The following DNAH1 variants were observed in gnomAD, a reference collection of about 807,000 sequenced individuals.
The protein encoded by DNAH1 is axonemal beta dynein heavy chain 1.
In DNAH1, 327 loss-of-function variants were observed where a neutral mutation model predicts 484.3. The observed-to-expected ratio is 0.68, with a 90% CI of 0.62 to 0.74. The LOEUF (loss-of-function observed/expected upper bound fraction) is 0.74, where lower values mean the gene tolerates loss of function less well. DNAH1 is among the 30% of genes least tolerant of loss of function. The probability of loss-of-function intolerance (pLI) is 0.00; values close to 1 mark genes in which losing one functional copy is unlikely to be tolerated. For missense variants in DNAH1, 5,052 were observed against 5,546.8 expected (o/e 0.91, Z 2.83); for synonymous variants, 2,192 against 2,191.9 (o/e 1.00, Z 0.00).
Position 52,359,772 on chromosome 3 carries a change from G to A in DNAH1, c.4408-144G>A, listed in dbSNP as rs777561952. ...TTCTACTTCCTTCCTTCCCCTGCCC[G>A]GTCCCTGCTCCCCTCCCAACTCAGA... On this transcript the variant is annotated intron_variant, in intron 26 of 77. Transcript: ENST00000420323. 2.8e-4 allele frequency: 303 copies of A among 1,092,334 alleles called. 2 individuals carry two copies. The highest frequency in any genetic ancestry group is 5.9e-4 in the South Asian group (40 of 67,332). 67.7% of individuals were successfully genotyped at this position (1,092,334 alleles called of 1,614,324 possible). A position where few individuals can be genotyped will look rare whatever the true frequency, so the allele number is the denominator to read the frequency against.
Position 52,332,211 on chromosome 3 carries a change from C to G in DNAH1, c.1103C>G (p.Pro368Arg), listed in dbSNP as rs758080415. The G allele has an allele frequency of 1.4e-5, 23 of 1,611,314 alleles. No individual in the cohort carries two copies. In the East Asian group the frequency reaches 4.9e-4, roughly 34 times the overall value. Reference protein sequence around the residue: ...RIQLLFCAEDPCMFAQRVVQA... With the variant: ...RIQLLFCAEDRCMFAQRVVQA... ...CAGCTTCTCTTCTGCGCTGAGGACC[C>G]TTGCATGTTCGCACAACGTGTGGTC... is the stretch of plus-strand genomic sequence containing the variant. The change falls in exon 8 of 78, where the codon CCT (proline) becomes CGT (arginine). Residue 368 changes from proline to arginine, a missense_variant. Pro to Arg is a moderately radical substitution (Grantham distance 103). This residue lies in a region of DNAH1 where 1,263 missense variants were observed against 1,218.8 expected (regional missense o/e 1.04). Coordinates refer to ENST00000420323, the MANE Select transcript of DNAH1 (RefSeq NM_015512.5).
intron 8 of DNAH1, among the ~76,000 whole-genome samples, chr3:52,340,574 A>G (rs555479231): frequency 2.6e-5 from 4 of 152,220 alleles, no homozygotes; most frequent in African/African-American, 9.6e-5. Context: ...AGCTGGGACT[A>G]CAGGTGGTTA....
At position 52,372,948 on chromosome 3, in the gene DNAH1, G is replaced by C; in HGVS notation, c.6880G>C (p.Asp2294His). The change falls in exon 44 of 78, where the codon GAT (aspartate) becomes CAT (histidine). Residue 2294 changes from aspartate to histidine, a missense_variant. Asp to His is a moderately conservative substitution (Grantham distance 81). Around this residue, in one of 4 missense-constraint regions of DNAH1, gnomAD observed 2,929 missense variants for 3,409.4 expected, o/e 0.86. Coordinates refer to ENST00000420323, the MANE Select transcript of DNAH1 (RefSeq NM_015512.5). ...GGGGCGCAACTTTATCTTCTTCATC[G>C]ATGACCTGAACATGCCGGCCCTGGA... ...PLGRNFIFFIDDLNMPALETY... is the reference protein window; with the variant it reads ...PLGRNFIFFIHDLNMPALETY... The C allele has an allele frequency of 1.2e-6, 2 of 1,613,730 alleles. No homozygotes were observed. The highest frequency in any genetic ancestry group is 1.1e-5 in the South Asian group (1 of 91,076).
intron 50 of DNAH1, 151 bp from the exon 51 acceptor site, chr3:52,383,235 T>A: frequency 1.5e-6 from 1 of 684,294 alleles, no homozygotes; most frequent in Non-Finnish European, 2.5e-6. Flanking sequence ...TACAGGCTAG[T>A]CTGTTATGAG....
chr3:52,360,521 T>G (rs1702811202), intron 28 of DNAH1, 97 bp downstream of exon 28: 2 of 1,020,762 alleles, frequency 2.0e-6, no homozygotes, highest in East Asian at 2.5e-5. Context: ...TGGGGTGATC[T>G]AGTCCATCAG....
rs374687152 is a variant in DNAH1 at position 52,388,815 on chromosome 3, G to C, written c.9373G>C (p.Gly3125Arg). The C allele has an allele frequency of 2.7e-5, 43 of 1,613,422 alleles. No individual in the cohort carries two copies. The African/African-American group carries it at 4.7e-4, about 18-fold the overall frequency. ...GGGGCTGCCCCTCCAGCTCATCAAC[G>C]GGCTGTCGGATGAGAAGGTGCGCTG... ...RLGRAGKLINGLSDEKVRWQE... is the reference protein window; with the variant it reads ...RLGRAGKLINRLSDEKVRWQE... Residue 3125 changes from glycine to arginine, a missense_variant, in exon 59 of 78, where the codon GGG (glycine) becomes CGG (arginine). This residue lies in a region of DNAH1 where 2,929 missense variants were observed against 3,409.4 expected (regional missense o/e 0.86). Coordinates refer to ENST00000420323, the MANE Select transcript of DNAH1 (RefSeq NM_015512.5).
chr3:52,333,391 C>CT (rs34307560), intron 8 of DNAH1, among the ~76,000 whole-genome samples: 38,006 of 137,442 alleles, frequency 0.28, 6,790 homozygotes, highest in African/African-American at 0.52. Context: ...TTCTTTCTTT[C>CT]TTTTTTTTTT....
At chr3:52,326,941 A>G in intron 5 of DNAH1, 50 bp downstream of exon 5, 2 of 1,569,368 alleles carry the variant, frequency 1.3e-6, no homozygotes, top group Non-Finnish European at 1.7e-6. Flanking sequence ...GAAGTGCAGG[A>G]CCCCAGTGGA....
intron 73 of DNAH1, 112 bp downstream of exon 73, chr3:52,397,156 G>T (rs1034280019): frequency 4.8e-5 from 50 of 1,033,464 alleles, no homozygotes; most frequent in Non-Finnish European, 6.7e-5. Context: ...CCCTCCATCA[G>T]CTGTCTTTTC....
At chr3:52,384,460 T>C (rs1704007830) in intron 52 of DNAH1, among the ~76,000 whole-genome samples, 1 of 152,100 alleles carries the variant, frequency 6.6e-6, no homozygotes, top group African/African-American at 2.4e-5. Context: ...CTCAGGGCTC[T>C]CAGAGAGAGG....
intron 44 of DNAH1, chr3:52,374,800 C>G: frequency 9.5e-7 from 1 of 1,051,740 alleles, no homozygotes; most frequent in South Asian, 1.3e-5. Context: ...CAGTCCAAAG[C>G]AGAGAAACTA....
In DNAH1 at chr3:52,372,401, C is replaced by T; in HGVS notation, c.6827+14C>T. 6.2e-7 allele frequency: 1 copy of T among 1,612,510 alleles called. No homozygotes were observed. Among genetic ancestry groups the T allele is most frequent in the Admixed American group, 1.7e-5 (1 of 60,030 alleles). On this transcript the variant is annotated intron_variant, in intron 43 of 77. Coordinates refer to ENST00000420323, the MANE Select transcript of DNAH1 (RefSeq NM_015512.5). ...GCTGGACAAGAGGCAGGGCACCCCTCCCTCCTTCCTCACCCCTGCATCCTC... is the reference window on the plus strand; with the variant it reads ...GCTGGACAAGAGGCAGGGCACCCCTTCCTCCTTCCTCACCCCTGCATCCTC...
chr3:52,347,930 G>T lies in DNAH1; in HGVS notation c.2062G>T (p.Asp688Tyr). The change falls in exon 12 of 78, where the codon GAC (aspartate) becomes TAC (tyrosine). Residue 688 changes from aspartate (D) to tyrosine (Y), a missense_variant. Transcript: ENST00000420323. ...QFEASLLNLFDKGILATHAVP... is the reference protein window; with the variant it reads ...QFEASLLNLFYKGILATHAVP... ...TGAGGCATCTCTGCTGAACCTCTTCGACAAGGGCATCCTGGCCACCCATGC... is the reference window on the plus strand; with the variant it reads ...TGAGGCATCTCTGCTGAACCTCTTCTACAAGGGCATCCTGGCCACCCATGC... 6.2e-7 allele frequency: 1 copy of T among 1,610,848 alleles called. No individual in the cohort carries two copies. Among genetic ancestry groups the T allele is most frequent in the Non-Finnish European group, 8.5e-7 (1 of 1,178,600 alleles).
In DNAH1 at chr3:52,344,715, C is replaced by T. The variant is rs577320941; in HGVS notation, c.1444+68C>T. On this transcript the variant is annotated intron_variant, in intron 9 of 77. Coordinates refer to ENST00000420323, the MANE Select transcript of DNAH1 (RefSeq NM_015512.5). ...TGGCCAGAGCCCCCTCCCACCTTCC[C>T]CTCCAGGATTGTCTGCCCTGCCATT... 2.8e-5 allele frequency: 43 copies of T among 1,513,844 alleles called. No individual in the cohort carries two copies. In the African/African-American group the frequency reaches 4.5e-4, roughly 16 times the overall value. 93.8% of individuals were successfully genotyped at this position (1,513,844 alleles called of 1,614,324 possible). A position where few individuals can be genotyped will look rare whatever the true frequency, so the allele number is the denominator to read the frequency against.
chr3:52,360,652 T>A (rs1460542916), intron 28 of DNAH1, among the ~76,000 whole-genome samples: 1 of 152,142 alleles, frequency 6.6e-6, no homozygotes, highest in Non-Finnish European at 1.5e-5. Context: ...TGAGGCCTCC[T>A]CACGGTGGTA....
At position 52,395,506 on chromosome 3, in the gene DNAH1, T is replaced by C. The variant is rs1257809777; in HGVS notation, c.11127+40T>C. The stretch of plus-strand genomic sequence containing the variant: ...GGGAGGAAGGGAGTGGGCTGGGGGG[T>C]GGGCAAGCTGGCCCCCTGCTCAGTG... On this transcript the variant is annotated intron_variant, in intron 69 of 77. Coordinates refer to ENST00000420323, the MANE Select transcript of DNAH1 (RefSeq NM_015512.5). The surrounding 1 kb of genome is among the most constrained non-coding windows in gnomAD (Gnocchi z 4.4). 4 of 1,612,078 alleles carry C rather than the reference T, an allele frequency of 2.5e-6. No individual in the cohort carries two copies. The highest frequency in any genetic ancestry group is 1.6e-4 in the Middle Eastern group (1 of 6,076).
At chr3:52,319,956 C>A (rs1291077876) in intron 1 of DNAH1, among the ~76,000 whole-genome samples, 1 of 152,176 alleles carries the variant, frequency 6.6e-6, no homozygotes, top group South Asian at 2.1e-4. Flanking sequence ...TTATGGATTC[C>A]TTTTGCCCCC....
upstream of DNAH1, among the ~76,000 whole-genome samples, chr3:52,311,590 C>A (rs1170194642): frequency 6.6e-6 from 1 of 152,194 alleles, no homozygotes; most frequent in Non-Finnish European, 1.5e-5. Context: ...AACCTGCCCT[C>A]CAGCCCTCCT....
At position 52,375,255 on chromosome 3, in the gene DNAH1, T is replaced by C; in HGVS notation, c.7001T>C (p.Leu2334Pro). Residue 2334 changes from leucine (L) to proline (P), a missense_variant, in exon 45 of 78, where the codon CTA (leucine) becomes CCA (proline). Leu to Pro is a moderately conservative substitution (Grantham distance 98). This residue lies in a region of DNAH1 where 2,929 missense variants were observed against 3,409.4 expected (regional missense o/e 0.86). Transcript: ENST00000420323. ...DRKIIGAFKN[L>P]VDINFVCAMG... ...CCTACTCCAGGTGCCTTCAAGAACC[T>C]AGTGGACATCAACTTTGTCTGTGCC... is the stretch of plus-strand genomic sequence containing the variant. The C allele has an allele frequency of 6.2e-7, 1 of 1,608,298 alleles. No individual in the cohort carries two copies. Among genetic ancestry groups the C allele is most frequent in the Non-Finnish European group, 8.5e-7 (1 of 1,177,554 alleles).
Sources: gnomAD v4.1 joint callset for allele counts (sites outside exome capture counted in the v4.1 genomes callset) on GRCh38, gnomAD v4.1.1 for gene constraint, gnomAD v4.1.1 regional missense constraint, Gnocchi (gnomAD v3.1) non-coding constraint, MANE v1.5 for transcripts, NCBI Gene and HGNC (gene_info 2026-07-23, HGNC 2026-07-21) for gene names.